HEPH: variants seen among roughly 807,000 people sequenced by gnomAD.
HEPH encodes hephaestin.
In HEPH, 69 loss-of-function variants were observed where a neutral mutation model predicts 80.8. The ratio of observed to expected loss-of-function variants is 0.85; its 90% CI spans 0.70 to 1.04. HEPH has a LOEUF of 1.04. HEPH is among the 50% of genes least tolerant of loss of function. HEPH has a pLI of 0.00. For missense variants in HEPH, 1,115 were observed against 891.3 expected, an observed-to-expected ratio of 1.25 and a Z score of -3.20; for synonymous variants, 431 against 322.8, an observed-to-expected ratio of 1.34 and a Z score of -3.60.
At chrX:66,168,546 G>T (rs1266407685) in intron 1 of HEPH, among the ~76,000 whole-genome samples, 1 of 111,722 alleles carries the variant, frequency 9.0e-6, no homozygotes, top group East Asian at 2.8e-4. Flanking sequence ...CTTACATCAA[G>T]AGCTTTCTGC....
chrX:66,198,032 T>C (rs958112345), intron 10 of HEPH, 138 bp downstream of exon 10: 7 of 508,380 alleles, frequency 1.4e-5, no homozygotes, highest in Admixed American at 3.3e-5. Flanking sequence ...CATCAGAAAT[T>C]AATAGTTGGT....
At chrX:66,248,519 T>G (rs2090893822) in intron 15 of HEPH, among the ~76,000 whole-genome samples, 1 of 111,995 alleles carries the variant, frequency 8.9e-6, no homozygotes, top group Non-Finnish European at 1.9e-5. Context: ...AATTTGTATG[T>G]GCCAAAGAGA....
chrX:66,200,468 G>A (rs769405146), intron 11 of HEPH, 72 bp from the exon 12 acceptor site: 1 of 846,305 alleles, frequency 1.2e-6, no homozygotes, highest in African/African-American at 2.0e-5. Context: ...CATAGCTGAT[G>A]CCATGCTCCT....
intron 15 of HEPH, among the ~76,000 whole-genome samples, chrX:66,230,029 G>C (rs1407756831): frequency 1.0e-5 from 1 of 100,254 alleles, no homozygotes; most frequent in Non-Finnish European, 2.0e-5. Context: ...TGTGGTGTTT[G>C]GTTTTTTGTT....
chrX:66,263,749 G>C (rs935842364), intron 20 of HEPH, 61 bp downstream of exon 20: 8 of 1,072,479 alleles, frequency 7.5e-6, no homozygotes, highest in Non-Finnish European at 1.0e-5. Flanking sequence ...ATGAGGTTGG[G>C]TGAAGTACCT....
chrX:66,208,657 T>G (rs866264260), intron 15 of HEPH, among the ~76,000 whole-genome samples: 1 of 73,136 alleles, frequency 1.4e-5, no homozygotes, highest in Non-Finnish European at 2.3e-5. Flanking sequence ...TATATATATA[T>G]ATATATATAT....
intron 13 of HEPH, 151 bp from the exon 14 acceptor site, chrX:66,207,043 TA>T (rs369723664): frequency 4.4e-5 from 13 of 295,331 alleles, no homozygotes; most frequent in East Asian, 2.2e-4. Flanking sequence ...TAAATAAATT[TA>T]AAAAAAAGAA....
chrX:66,194,786 T>G lies in HEPH; in HGVS notation c.1370-312T>G, dbSNP rs780430871. Among the ~76,000 whole-genome samples, 26 of 111,366 alleles carry G rather than the reference T, an allele frequency of 2.3e-4. 1 individual carries two copies. In the South Asian group the frequency reaches 9.8e-3, roughly 42 times the overall value. On this transcript the variant is annotated intron_variant, in intron 8 of 20. Transcript: ENST00000343002. ...CTGGCTGAATGGCTTATCAACCATTTAAATTTGCATAGGTAAATTCCACTT... is the reference window on the plus strand; with the variant it reads ...CTGGCTGAATGGCTTATCAACCATTGAAATTTGCATAGGTAAATTCCACTT...
Position 66,266,553 on chromosome X carries a change from C to A in HEPH, c.3358C>A (p.Leu1120Met). Reference protein sequence around the residue: ...SVLVAISVTLLLVVLALGGVV... With the variant: ...SVLVAISVTLMLVVLALGGVV... ...TTTGGTTGCCATTAGTGTCACCCTT[C>A]TGCTCGTTGTTCTGGCTCTTGGTGG... Residue 1120 changes from leucine (L) to methionine (M), a missense_variant, in exon 21 of 21, where the codon CTG becomes ATG. Transcript: ENST00000343002. The A allele has an allele frequency of 8.3e-7, 1 of 1,210,067 alleles. No individual in the cohort carries two copies. The highest frequency in any genetic ancestry group is 1.1e-6 in the Non-Finnish European group (1 of 894,380).
At chrX:66,182,358 TGTCCTC>T (rs1411479742) in intron 4 of HEPH, among the ~76,000 whole-genome samples, 2 of 5,198 alleles carry the variant, frequency 3.8e-4, no homozygotes, top group Non-Finnish European at 7.9e-4. Context: ...CATTTGTTTG[TGTCCTC>T]TTTTATTTCC....
intron 15 of HEPH, among the ~76,000 whole-genome samples, chrX:66,246,040 T>C (rs1013895585): frequency 1.8e-5 from 2 of 112,015 alleles, no homozygotes; most frequent in South Asian, 7.5e-4. Flanking sequence ...TCGGAGTATT[T>C]CCTGGGGGAA....
chrX:66,231,765 T>A (rs2090154778), intron 15 of HEPH, among the ~76,000 whole-genome samples: 1 of 106,970 alleles, frequency 9.3e-6, no homozygotes, highest in Non-Finnish European at 1.9e-5. Context: ...TGAATACCCT[T>A]TATTTCCTTC....
intron 15 of HEPH, among the ~76,000 whole-genome samples, chrX:66,238,059 G>T (rs1179441177): frequency 1.8e-5 from 2 of 111,704 alleles, no homozygotes; most frequent in Admixed American, 9.5e-5. Flanking sequence ...CAGGGTCTTG[G>T]TTCCTTACGC....
rs147158307 is a variant in HEPH, at chrX:66,235,524, C to T, written c.2564-19511C>T. Among the ~76,000 whole-genome samples the T allele has an allele frequency of 6.7e-3, 748 of 111,099 alleles. 5 individuals carry two copies. The highest frequency in any genetic ancestry group is 0.024 in the African/African-American group (719 of 30,537). The stretch of plus-strand genomic sequence containing the variant: ...AGATCAGATAGTTGTAGGTATGTGG[C>T]CTTCTTTTTGGGCTCATTATCCTGT... On this transcript the variant is annotated intron_variant, in intron 15 of 20. Coordinates refer to ENST00000343002, the MANE Select transcript of HEPH (RefSeq NM_001367233.3).
At position 66,197,817 on chromosome X, in the gene HEPH, A is replaced by G. The variant is rs757896462; in HGVS notation, c.1636A>G (p.Ile546Val). 1.3e-5 allele frequency: 16 copies of G among 1,211,210 alleles called. No homozygotes were observed. The East Asian group carries it at 4.1e-4, about 31-fold the overall frequency. ...GATGTACTTCTCTGCTGCAGATCCC[A>G]TAAGAGACACAAATTCTGGCCTGGT... The part of the protein sequence containing the change: ...TWMYFSAADP[I>V]RDTNSGLVGP... Residue 546 changes from isoleucine (I) to valine (V), a missense_variant, in exon 10 of 21, where the codon ATA becomes GTA. This residue lies in a region of HEPH where 716 missense variants were observed against 523.5 expected (regional missense o/e 1.37). Coordinates refer to ENST00000343002, the MANE Select transcript of HEPH (RefSeq NM_001367233.3).
chrX:66,262,167 AAC>A (rs2091387676), intron 19 of HEPH, among the ~76,000 whole-genome samples: 1 of 112,206 alleles, frequency 8.9e-6, no homozygotes, highest in Non-Finnish European at 1.9e-5. Flanking sequence ...TTAACAGGCC[AAC>A]AGGAAGGAAG....
chrX:66,170,558 A>C lies in HEPH; in HGVS notation c.-13A>C, dbSNP rs372923475. 2.5e-4 allele frequency: 300 copies of C among 1,203,663 alleles called. No individual in the cohort carries two copies. Among genetic ancestry groups the C allele is most frequent in the Non-Finnish European group, 3.3e-4 (296 of 891,493 alleles). ...CAGTTTTTATTTGCCTGTTTCCCAG[A>C]GTAATGTGGGCCATGGAGTCAGGCC... On this transcript the variant is annotated splice_region_variant and 5_prime_UTR_variant, in exon 2 of 21. Transcript: ENST00000343002.
intron 15 of HEPH, among the ~76,000 whole-genome samples, chrX:66,241,345 A>G (rs1206211112): frequency 8.9e-6 from 1 of 111,809 alleles, no homozygotes; most frequent in African/African-American, 3.2e-5. Context: ...ACCCAATTCT[A>G]TGCTGTCTTC....
chrX:66,216,572 G>A (rs2089407977), intron 15 of HEPH, among the ~76,000 whole-genome samples: 1 of 111,937 alleles, frequency 8.9e-6, no homozygotes, highest in African/African-American at 3.3e-5. Flanking sequence ...TTGAACAGCA[G>A]CCTCTGAGTC....
Sources: gnomAD v4.1 joint callset for allele counts (sites outside exome capture counted in the v4.1 genomes callset) on GRCh38, gnomAD v4.1.1 for gene constraint, gnomAD v4.1.1 regional missense constraint, MANE v1.5 for transcripts, NCBI Gene and HGNC (gene_info 2026-07-23, HGNC 2026-07-21) for gene names.